The following RPUSD1 variants were observed in gnomAD, a reference collection of about 807,000 sequenced individuals.
The protein encoded by RPUSD1 is RNA pseudouridine synthase domain containing 1.
Under a neutral mutation model 22.4 loss-of-function variants are expected in RPUSD1, and 28 were observed. The ratio of observed to expected loss-of-function variants is 1.25; its 90% confidence interval spans 0.93 to 1.72. RPUSD1 has a LOEUF of 1.72. RPUSD1 is among the 40% of genes most tolerant of loss of function. RPUSD1 has a pLI of 0.00. For synonymous variants in RPUSD1, 298 were observed against 201.0 expected (o/e 1.48, Z -4.08); for missense variants, 596 against 442.2 (o/e 1.35, Z -3.12).
At chr16:787,202 C>G (rs375716964) in intron 3 of RPUSD1, 23 bp from the exon 4 acceptor site, 1 of 1,585,518 alleles carries the variant, frequency 6.3e-7, no homozygotes, top group Non-Finnish European at 8.6e-7. Context: ...GAGAATCGCA[C>G]GCAGTTCACG....
chr16:786,726 A>T (rs1260808107), intron 5 of RPUSD1, 101 bp downstream of exon 5: 1 of 973,566 alleles, frequency 1.0e-6, no homozygotes, highest in Non-Finnish European at 1.7e-6. Context: ...GCTTGTTGCC[A>T]GCTCTGCCCT....
In RPUSD1 at chr16:786,214, G is replaced by A; in HGVS notation, c.675C>T (p.Cys225=). ...IPTDTECVEV[C]TPDPFLPSLD... is the part of the protein sequence containing the mutation. ...GGGAGGGCAGGAAGGGGTCAGGCGT[G>A]CAGACCTCCACACACTCGGTGTCCG... The change falls in exon 6 of 6, where the codon TGC becomes TGT. Residue 225 remains cysteine (C), a synonymous_variant. Transcript: ENST00000007264. 6.2e-7 allele frequency: 1 copy of A among 1,612,746 alleles called. No homozygotes were observed. The highest frequency in any genetic ancestry group is 2.2e-5 in the East Asian group (1 of 44,880).
In RPUSD1 at chr16:787,402, C is replaced by T. The variant is rs373291242; in HGVS notation, c.258G>A (p.Ala86=). 253 of 1,588,008 alleles carry T rather than the reference C, an allele frequency of 1.6e-4. No homozygotes were observed. The East Asian group carries it at 3.3e-3, about 21-fold the overall frequency. The part of the protein sequence containing the change: ...VALNKAAAGS[A]YRCFKERRVT... ...CGCGCCGCTCCTTGAAGCACCTGTA[C>T]GCGCTGCCGGCGGCTGCCTTGTTTA... The change falls in exon 3 of 6, where the codon GCG becomes GCA. Residue 86 remains alanine (A), a synonymous_variant. Coordinates refer to ENST00000007264, the MANE Select transcript of RPUSD1 (RefSeq NM_058192.3).
rs1343585752 is a variant in RPUSD1 at position 787,087 on chromosome 16, C to T, written c.399G>A (p.Glu133=). The stretch of plus-strand genomic sequence containing the variant: ...CCCTGCCTGCCACACCCTGCGAGCC[C>T]TCGATGCACATGGTGTGGGCCCGGC... ...TEGRAHTMCI[E]GSQGCENPKP... is the part of the protein sequence containing the mutation. The change falls in exon 4 of 6, where the codon GAG becomes GAA. Residue 133 remains glutamate (E), a synonymous_variant. Transcript: ENST00000007264. 6.2e-7 allele frequency: 1 copy of T among 1,606,448 alleles called. No homozygotes were observed.
Position 786,722 on chromosome 16 carries a change from T to A in RPUSD1, c.511+105A>T, listed in dbSNP as rs780624261. On this transcript the variant is annotated intron_variant, in intron 5 of 5. Transcript: ENST00000007264. ...GAGTTAAGAACGCAGGAGTGCTTGT[T>A]GCCAGCTCTGCCCTGATGCTCAGGG... 5.3e-6 allele frequency: 5 copies of A among 945,544 alleles called. No individual in the cohort carries two copies. In the Admixed American group the frequency reaches 8.5e-5, roughly 16 times the overall value. 58.6% of individuals were successfully genotyped at this position (945,544 alleles called of 1,614,324 possible). A position where few individuals can be genotyped will look rare whatever the true frequency, so the allele number is the denominator to read the frequency against.
rs757996849 is a variant in RPUSD1 at position 787,759 on chromosome 16, G to T, written c.-7-15C>A. On this transcript the variant is annotated splice_polypyrimidine_tract_variant and intron_variant, in intron 1 of 5. Coordinates refer to ENST00000007264, the MANE Select transcript of RPUSD1 (RefSeq NM_058192.3). Reference sequence around the variant, plus strand: ...CCATGGCCGGCCTGCCGAGCCACGCGTGGGTGCGTGTGCTGTGAGCACGTG... The same window carrying T: ...CCATGGCCGGCCTGCCGAGCCACGCTTGGGTGCGTGTGCTGTGAGCACGTG... 1 of 1,603,700 alleles carries T rather than the reference G, an allele frequency of 6.2e-7. No homozygotes were observed. Among genetic ancestry groups the T allele is most frequent in the Admixed American group, 1.7e-5 (1 of 59,904 alleles).
In RPUSD1 at chr16:787,617, G is replaced by A. The variant is rs201257879; in HGVS notation, c.121C>T (p.Gln41Ter). ...GGAAAGCGGTACCGCAGCTGCTTCTGCAGGGTCAGAGTCTCCCGCCACGCC... is the reference window on the plus strand; with the variant it reads ...GGAAAGCGGTACCGCAGCTGCTTCTACAGGGTCAGAGTCTCCCGCCACGCC... ...SKAWRETLTL[Q>*]KQLRYRFPEL... Residue 41 changes from glutamine to a stop codon, truncating the protein, a stop_gained, in exon 2 of 6, where the codon CAG (glutamine) becomes TAG (stop). Coordinates refer to ENST00000007264, the MANE Select transcript of RPUSD1 (RefSeq NM_058192.3). LOFTEE classifies it high-confidence loss of function. The A allele has an allele frequency of 9.3e-6, 15 of 1,611,734 alleles. No homozygotes were observed. The highest frequency in any genetic ancestry group is 3.3e-5 in the Admixed American group (2 of 60,014).
Position 788,285 on chromosome 16 carries a change from C to G in RPUSD1, c.-37G>C, listed in dbSNP as rs1391574536. The G allele has an allele frequency of 8.0e-6, 2 of 249,364 alleles. No individual in the cohort carries two copies. Among genetic ancestry groups the G allele is most frequent in the East Asian group, 3.3e-4 (2 of 5,980 alleles). 15.4% of individuals were successfully genotyped at this position (249,364 alleles called of 1,614,324 possible). A position where few individuals can be genotyped will look rare whatever the true frequency, so the allele number is the denominator to read the frequency against. The stretch of plus-strand genomic sequence containing the variant: ...TGCCGGGCCGTGCAGTCCAGGCCCC[C>G]GATGCCGTGCCCGGCGCCGGCTCCA... On this transcript the variant is annotated 5_prime_UTR_variant, in exon 1 of 6. Coordinates refer to ENST00000007264, the MANE Select transcript of RPUSD1 (RefSeq NM_058192.3).
chr16:786,844 A>G lies in RPUSD1; in HGVS notation c.494T>C (p.Leu165Pro), dbSNP rs1241468118. 1 of 1,613,068 alleles carries G rather than the reference A, an allele frequency of 6.2e-7. No homozygotes were observed. Among genetic ancestry groups the G allele is most frequent in the East Asian group, 2.2e-5 (1 of 44,868 alleles). ...LYAGDPVSKV[L>P]LKPLTGRTHQ... is the part of the protein sequence containing the mutation. ...AGACACACCCGTGAGCGGCTTCAGC[A>G]GCACTTTGGAGACAGGATCGCCTGC... Residue 165 changes from leucine to proline, a missense_variant, in exon 5 of 6, where the codon CTG becomes CCG. Leu to Pro is a moderately conservative substitution (Grantham distance 98, BLOSUM62 -3). Coordinates refer to ENST00000007264, the MANE Select transcript of RPUSD1 (RefSeq NM_058192.3).
At position 785,997 on chromosome 16, in the gene RPUSD1, G is replaced by A. The variant is rs924576233; in HGVS notation, c.892C>T (p.Pro298Ser). Reference protein sequence around the residue: ...KPPETEAQRGPCLQWLSEWTL... With the variant: ...KPPETEAQRGSCLQWLSEWTL... ...CACTCCGACAGCCACTGCAGGCAGG[G>A]GCCCCGCTGTGCCTCAGTCTCAGGG... The change falls in exon 6 of 6, where the codon CCC (proline) becomes TCC (serine). Residue 298 changes from proline (P) to serine (S), a missense_variant. Pro to Ser is a moderately conservative substitution (Grantham distance 74). Transcript: ENST00000007264. The A allele has an allele frequency of 2.7e-6, 4 of 1,460,686 alleles. No homozygotes were observed. Among genetic ancestry groups the A allele is most frequent in the Non-Finnish European group, 3.6e-6 (4 of 1,110,646 alleles). 90.5% of individuals were successfully genotyped at this position (1,460,686 alleles called of 1,614,324 possible). A position where few individuals can be genotyped will look rare whatever the true frequency, so the allele number is the denominator to read the frequency against.
chr16:786,907 CT>C lies in RPUSD1; in HGVS notation c.430del (p.Ser144AlafsTer23). 1 of 1,613,264 alleles carries C rather than the reference CT, an allele frequency of 6.2e-7. No homozygotes were observed. The highest frequency in any genetic ancestry group is 1.1e-5 in the South Asian group (1 of 91,074). On this transcript the variant is annotated frameshift_variant, in exon 5 of 6. Transcript: ENST00000007264. LOFTEE classifies it high-confidence loss of function. Reference sequence around the variant, plus strand: ...TTCCAGAACCACGAGATCTGTGAGGCTTGGCTTTGGGTTCTCACAACCTGGG... The same window carrying C: ...TTCCAGAACCACGAGATCTGTGAGGCTGGCTTTGGGTTCTCACAACCTGGG... Reference protein sequence around the residue: ...GSQGCENPKPSLTDLVVLEHG... With the variant: ...GSQGCENPKPXLTDLVVLEHG...
chr16:787,804 T>G, intron 1 of RPUSD1, 60 bp from the exon 2 acceptor site: 1 of 1,549,774 alleles, frequency 6.5e-7, no homozygotes, highest in Non-Finnish European at 8.7e-7. Flanking sequence ...CAGCCCAGCA[T>G]ACAGAGGTAC....
chr16:786,781 A>C (rs768767658), intron 5 of RPUSD1, 46 bp downstream of exon 5: 5 of 1,500,404 alleles, frequency 3.3e-6, no homozygotes, highest in Non-Finnish European at 3.7e-6. Context: ...CCTGTGCCTC[A>C]GTTTCCCTTC....
At position 785,721 on chromosome 16, in the gene RPUSD1, C is replaced by CCGCATCAGTCCCA. The variant is rs1339687724; in HGVS notation, c.*216_*228dup. 9.7e-6 allele frequency: 4 copies of CCGCATCAGTCCCA among 413,544 alleles called. No homozygotes were observed. The highest frequency in any genetic ancestry group is 1.7e-5 in the Non-Finnish European group (4 of 237,016). 25.6% of individuals were successfully genotyped at this position (413,544 alleles called of 1,614,324 possible). ...TGTGGGCAGGAAGGCCCTCGGGATC[C>CCGCATCAGTCCCA]CGCATCAGTCCCACGGCCGCGGTGC... On this transcript the variant is annotated 3_prime_UTR_variant, in exon 6 of 6. Coordinates refer to ENST00000007264, the MANE Select transcript of RPUSD1 (RefSeq NM_058192.3).
In RPUSD1 at chr16:785,597, A is replaced by G. The variant is rs73491301; in HGVS notation, c.*353T>C. ...CAAAACCTGGCCCTGCCTCTTCCTG[A>G]GGTGACCTTGAGTCCGTAAAACTGA... On this transcript the variant is annotated 3_prime_UTR_variant, in exon 6 of 6. Transcript: ENST00000007264. 0.019 allele frequency: 4,453 copies of G among 239,318 alleles called. 126 individuals carry two copies. Among genetic ancestry groups the G allele is most frequent in the African/African-American group, 0.071 (3,193 of 44,680 alleles). 14.8% of individuals were successfully genotyped at this position (239,318 alleles called of 1,614,324 possible). A position where few individuals can be genotyped will look rare whatever the true frequency, so the allele number is the denominator to read the frequency against.
rs1339822438 is a variant in RPUSD1 at position 787,570 on chromosome 16, G to A, written c.168C>T (p.Thr56=). 2.5e-6 allele frequency: 4 copies of A among 1,610,986 alleles called. No individual in the cohort carries two copies. Among genetic ancestry groups the A allele is most frequent in the East Asian group, 2.2e-5 (1 of 44,872 alleles). ...YRFPELADPD[T]CYGFRFCHQL... The stretch of plus-strand genomic sequence containing the variant: ...GCCCCCCCTACCTGAACCCGTAGCA[G>A]GTGTCAGGGTCGGCCAGCTCGGGAA... Residue 56 remains threonine, a synonymous_variant, in exon 2 of 6, where the codon ACC becomes ACT. Coordinates refer to ENST00000007264, the MANE Select transcript of RPUSD1 (RefSeq NM_058192.3).
chr16:786,971 G>C, intron 4 of RPUSD1, 43 bp from the exon 5 acceptor site: 1 of 1,589,270 alleles, frequency 6.3e-7, no homozygotes, highest in South Asian at 1.1e-5. Context: ...GGACTGACCC[G>C]GGGCCCAGGC....
In RPUSD1 at chr16:787,603, C is replaced by A; in HGVS notation, c.135G>T (p.Arg45=). The change falls in exon 2 of 6, where the codon CGG becomes CGT. Residue 45 remains arginine (R), a synonymous_variant. Coordinates refer to ENST00000007264, the MANE Select transcript of RPUSD1 (RefSeq NM_058192.3). ...GGTCGGCCAGCTCGGGAAAGCGGTA[C>A]CGCAGCTGCTTCTGCAGGGTCAGAG... ...RETLTLQKQL[R]YRFPELADPD... 1 of 1,611,570 alleles carries A rather than the reference C, an allele frequency of 6.2e-7. No individual in the cohort carries two copies. Among genetic ancestry groups the A allele is most frequent in the East Asian group, 2.2e-5 (1 of 44,886 alleles).
intron 1 of RPUSD1, 32 bp downstream of exon 1, chr16:788,224 C>T: frequency 2.5e-6 from 1 of 394,472 alleles, no homozygotes. Context: ...GCTCCGAGCC[C>T]CTCCCGCGCC....
Sources: gnomAD v4.1 joint callset for allele counts on GRCh38, gnomAD v4.1.1 for gene constraint, MANE v1.5 for transcripts, NCBI Gene and HGNC (gene_info 2026-07-23, HGNC 2026-07-21) for gene names.